Variants in PDHA1 observed in about 807,000 individuals in gnomAD.
The protein encoded by PDHA1 is pyruvate dehydrogenase E1 subunit alpha 1.
A neutral mutation model predicts 33.0 loss-of-function variants in PDHA1; 1 was observed. That is an observed-to-expected ratio of 0.03 (90% CI 0.01 to 0.14). The LOEUF (loss-of-function observed/expected upper bound fraction) is 0.14, where lower values mean the gene tolerates loss of function less well. Among genes scored for constraint, PDHA1 ranks in the 10% least tolerant of loss-of-function variants. PDHA1 has a pLI of 1.00. For synonymous variants in PDHA1, 123 were observed against 119.2 expected, an observed-to-expected ratio of 1.03 and a Z score of -0.21; for missense variants, 168 against 325.1, an observed-to-expected ratio of 0.52 and a Z score of 3.72.
At chrX:19,359,429 T>C (rs1371916287) in intron 10 of PDHA1, 60 bp from the exon 11 acceptor site, 1 of 987,874 alleles carries the variant, frequency 1.0e-6, no homozygotes, top group East Asian at 3.0e-5. Context: ...AGCAGAACTC[T>C]AGTTGGTACC....
intron 1 of PDHA1, chrX:19,346,575 C>A: frequency 5.8e-6 from 5 of 862,128 alleles, no homozygotes; most frequent in Non-Finnish European, 7.8e-6. Context: ...CCTCCCACCT[C>A]GGCCTCCCAA....
intron 4 of PDHA1, among the ~76,000 whole-genome samples, chrX:19,351,835 G>A (rs1178131173): frequency 2.1e-4 from 18 of 85,101 alleles, no homozygotes; most frequent in Non-Finnish European, 3.6e-4. Context: ...GTCTCACTCC[G>A]TTGTCCAGGC....
chrX:19,358,588 T>TACATCTAAATCAAAGCAGCAA (rs2147186151), intron 9 of PDHA1, among the ~76,000 whole-genome samples: 1 of 111,515 alleles, frequency 9.0e-6, no homozygotes, highest in African/African-American at 3.3e-5. Context: ...TTTAGAACCT[T>TACATCTAAATCAAAGCAGCAA]ACATCTAAAT....
At chrX:19,349,130 A>T (rs2063150259) in intron 1 of PDHA1, among the ~76,000 whole-genome samples, 182 bp from the exon 2 acceptor site, 1 of 111,954 alleles carries the variant, frequency 8.9e-6, no homozygotes, top group African/African-American at 3.2e-5. Flanking sequence ...TGGCCAAAGC[A>T]TGGATTCATT....
chrX:19,355,314 A>C (rs750889669), intron 6 of PDHA1, 35 bp from the exon 7 acceptor site: 29 of 1,200,914 alleles, frequency 2.4e-5, no homozygotes, highest in Non-Finnish European at 2.6e-5. Context: ...TGGAGAAAGA[A>C]GCCAAATGAA....
intron 3 of PDHA1, 49 bp downstream of exon 3, chrX:19,350,159 T>C (rs369244476): frequency 1.4e-4 from 124 of 918,240 alleles, no homozygotes; most frequent in Non-Finnish European, 1.8e-4. Context: ...TACTGAAGTA[T>C]GGCTTGTACT....
rs780357581 is a variant in PDHA1 at position 19,351,795 on chromosome X, G to GTTTTTT, written c.418+404_418+409dup. 2.2e-3 allele frequency among the ~76,000 whole-genome samples: 162 copies of GTTTTTT among 74,349 alleles called. 10 individuals carry two copies. Among genetic ancestry groups the GTTTTTT allele is most frequent in the African/African-American group, 9.5e-3 (144 of 15,129 alleles). 64.6% of individuals were successfully genotyped at this position (74,349 alleles called of 115,157 possible). On this transcript the variant is annotated intron_variant, in intron 4 of 10. Coordinates refer to ENST00000422285, the MANE Select transcript of PDHA1 (RefSeq NM_000284.4). Reference sequence around the variant, plus strand: ...CCGTGACTATTTGTTTGTTTTGGTGGTTTTTTTTTTTTTTTTTTTTTGAGA... The same window carrying GTTTTTT: ...CCGTGACTATTTGTTTGTTTTGGTGGTTTTTTTTTTTTTTTTTTTTTTTTTTTGAGA...
At chrX:19,346,638 C>G in intron 1 of PDHA1, 1 of 945,717 alleles carries the variant, frequency 1.1e-6, no homozygotes, top group Non-Finnish European at 1.3e-6. Flanking sequence ...GGAGATTTAT[C>G]TCAGGCTTAA....
In PDHA1 at chrX:19,359,572, G is replaced by A. The variant is rs1266298928; in HGVS notation, c.1092G>A (p.Leu364=). The stretch of plus-strand genomic sequence containing the variant: ...ATCCTGAGCCACCTTTGGAAGAGCT[G>A]GGCTACCACATCTACTCCAGCGACC... The part of the protein sequence containing the change: ...TADPEPPLEE[L]GYHIYSSDPP... The change falls in exon 11 of 11, where the codon CTG becomes CTA. Residue 364 remains leucine, a synonymous_variant. Coordinates refer to ENST00000422285, the MANE Select transcript of PDHA1 (RefSeq NM_000284.4). The A allele has an allele frequency of 1.7e-6, 2 of 1,210,656 alleles. No homozygotes were observed. The highest frequency in any genetic ancestry group is 2.2e-6 in the Non-Finnish European group (2 of 894,508).
chrX:19,358,912 A>C lies in PDHA1; in HGVS notation c.900-4A>C, dbSNP rs1262041210. The C allele has an allele frequency of 9.0e-7, 1 of 1,107,972 alleles. No homozygotes were observed. The highest frequency in any genetic ancestry group is 1.8e-5 in the African/African-American group (1 of 55,758). 91.3% of individuals were successfully genotyped at this position (1,107,972 alleles called of 1,213,427 possible). On this transcript the variant is annotated splice_polypyrimidine_tract_variant and splice_region_variant and intron_variant, in intron 9 of 10. Coordinates refer to ENST00000422285, the MANE Select transcript of PDHA1 (RefSeq NM_000284.4). ...GATCGATTACTACTTTTCCCTCCCC[A>C]TAGTTACCGTACACGAGAAGAAATT...
At chrX:19,356,682 G>GGGAGCCAGCTCCCCACTCGCCC (rs1569192212) in intron 8 of PDHA1, among the ~76,000 whole-genome samples, 1 of 100,539 alleles carries the variant, frequency 9.9e-6, no homozygotes, top group African/African-American at 4.8e-5. Context: ...GGGAGTTGTA[G>GGGAGCCAGCTCCCCACTCGCCC]AATGTAGTTG....
intron 8 of PDHA1, among the ~76,000 whole-genome samples, chrX:19,356,323 C>A (rs1454335110): frequency 9.0e-6 from 1 of 111,029 alleles, no homozygotes; most frequent in Non-Finnish European, 1.9e-5. Flanking sequence ...GGGTGTTCTC[C>A]CTAAATCAGT....
At chrX:19,351,182 A>G in intron 3 of PDHA1, 99 bp from the exon 4 acceptor site, 2 of 829,321 alleles carry the variant, frequency 2.4e-6, no homozygotes, top group Non-Finnish European at 3.6e-6. Context: ...TATTAATGAC[A>G]GGTTCTACTA....
chrX:19,344,182 A>G (rs1190765190), intron 1 of PDHA1, 88 bp downstream of exon 1: 1 of 838,133 alleles, frequency 1.2e-6, no homozygotes, highest in Non-Finnish European at 1.7e-6. Context: ...GGCCACCCAG[A>G]GCGGGGTGGA....
intron 4 of PDHA1, 158 bp from the exon 5 acceptor site, chrX:19,352,924 G>A (rs2063172717): frequency 1.9e-6 from 1 of 540,270 alleles, no homozygotes; most frequent in Admixed American, 2.4e-5. Context: ...GAAAGGACAA[G>A]GAGAAACATG....
Position 19,350,170 on chromosome X carries a change from T to A in PDHA1, c.291+60T>A, listed in dbSNP as rs1361916701. The stretch of plus-strand genomic sequence containing the variant: ...TAGGTACTGAAGTATGGCTTGTACT[T>A]ATTGGGCTTTACCCTGCCATATGTA... On this transcript the variant is annotated intron_variant, in intron 3 of 10. Coordinates refer to ENST00000422285, the MANE Select transcript of PDHA1 (RefSeq NM_000284.4). The A allele has an allele frequency of 3.6e-6, 3 of 836,368 alleles. No individual in the cohort carries two copies. In the African/African-American group the frequency reaches 6.0e-5, roughly 17 times the overall value. 68.9% of individuals were successfully genotyped at this position (836,368 alleles called of 1,213,427 possible).
Position 19,361,622 on chromosome X carries a change from T to G in PDHA1, c.*1969T>G. On this transcript the variant is annotated 3_prime_UTR_variant, in exon 11 of 11. Coordinates refer to ENST00000422285, the MANE Select transcript of PDHA1 (RefSeq NM_000284.4). ...TAACGATTGGCAATTTGTTATATATTAGTCTAACCATAAAACTCTTCAAAA... is the reference window on the plus strand; with the variant it reads ...TAACGATTGGCAATTTGTTATATATGAGTCTAACCATAAAACTCTTCAAAA... 9.8e-7 allele frequency: 1 copy of G among 1,017,720 alleles called. No individual in the cohort carries two copies. The highest frequency in any genetic ancestry group is 1.4e-6 in the Non-Finnish European group (1 of 728,949). 83.9% of individuals were successfully genotyped at this position (1,017,720 alleles called of 1,213,427 possible).
In PDHA1 at chrX:19,355,521, T is replaced by TG; in HGVS notation, c.759+21dup. 3.4e-6 allele frequency: 4 copies of TG among 1,193,077 alleles called. No individual in the cohort carries two copies. The highest frequency in any genetic ancestry group is 4.5e-6 in the Non-Finnish European group (4 of 892,934). ...GGGCTGAGAGTAAGGACACCTGTGG[T>TG]GGGGCCGGGGCCAAGGCCAAGGCCA... On this transcript the variant is annotated intron_variant, in intron 7 of 10. Coordinates refer to ENST00000422285, the MANE Select transcript of PDHA1 (RefSeq NM_000284.4).
rs766182987 is a variant in PDHA1, at chrX:19,358,857, C to T, written c.900-59C>T. The T allele has an allele frequency of 1.2e-4, 80 of 647,177 alleles. No individual in the cohort carries two copies. In the Middle Eastern group the frequency reaches 1.5e-3, roughly 12 times the overall value. The allele number at this position is 647,177 out of a possible 1,213,427, so 53.3% of individuals were successfully genotyped here. A position where few individuals can be genotyped will look rare whatever the true frequency, so the allele number is the denominator to read the frequency against. On this transcript the variant is annotated intron_variant, in intron 9 of 10. Coordinates refer to ENST00000422285, the MANE Select transcript of PDHA1 (RefSeq NM_000284.4). ...AACCCCATATCATGTTTCATCACGC[C>T]GTCCTTGCTCTACTGGAACTGCTCT...
Sources: allele counts gnomAD v4.1 joint callset (sites outside exome capture counted in the v4.1 genomes callset), GRCh38; gene constraint gnomAD v4.1.1; transcripts MANE v1.5; gene names NCBI Gene and HGNC (gene_info 2026-07-23, HGNC 2026-07-21).